KRT25: variants seen among roughly 807,000 people sequenced by gnomAD.
The protein encoded by KRT25 is keratin 25, also known as keratin, type I cytoskeletal 25.
In KRT25, 37 loss-of-function variants were observed where a neutral mutation model predicts 47.6. The observed-to-expected ratio is 0.78, with a 90% CI of 0.60 to 1.02. The LOEUF (loss-of-function observed/expected upper bound fraction) is 1.02. Among genes scored for constraint, KRT25 ranks in the 50% least tolerant of loss-of-function variants. KRT25 has a pLI of 0.00. For synonymous variants in KRT25, 203 were observed against 210.2 expected (o/e 0.97, Z 0.30); for missense variants, 542 against 550.3 (o/e 0.98, Z 0.15).
chr17:40,749,236 C>T, intron 7 of KRT25, 22 bp downstream of exon 7: 1 of 1,583,458 alleles, frequency 6.3e-7, no homozygotes, highest in Non-Finnish European at 8.7e-7. Flanking sequence ...TAGCATTGCA[C>T]AACAGATTTC....
intron 7 of KRT25, among the ~76,000 whole-genome samples, chr17:40,749,053 G>C (rs1343031788): frequency 2.0e-5 from 3 of 152,136 alleles, no homozygotes; most frequent in Non-Finnish European, 4.4e-5. Flanking sequence ...TTCTACTTGA[G>C]GGGGAAGGGT....
chr17:40,750,511 C>CA lies in KRT25; in HGVS notation c.1043dup (p.Glu349GlyfsTer19). 6.2e-7 allele frequency: 1 copy of CA among 1,614,176 alleles called. No homozygotes were observed. Among genetic ancestry groups the CA allele is most frequent in the Non-Finnish European group, 8.5e-7 (1 of 1,180,016 alleles). Reference sequence around the variant, plus strand: ...TTCTGACCTGGTGCAGCTGCTCCTCCAGGGCCCCGATCTGAGCCTGGATCT... The same window carrying CA: ...TTCTGACCTGGTGCAGCTGCTCCTCCAAGGGCCCCGATCTGAGCCTGGATCT... On this transcript the variant is annotated frameshift_variant, in exon 6 of 8. Transcript: ENST00000312150. LOFTEE classifies it high-confidence loss of function.
In KRT25 at chr17:40,754,893, C is replaced by CAAG. The variant is rs2038091128; in HGVS notation, c.376_378dup (p.Leu126dup). 1.2e-6 allele frequency: 2 copies of CAAG among 1,614,014 alleles called. No individual in the cohort carries two copies. The highest frequency in any genetic ancestry group is 2.7e-5 in the African/African-American group (2 of 74,914). ...GGGAAATATCTGCTATAGTCATGAT[C>CAAG]AAGACCACGGCAAGAGCCAGGCCCA... On this transcript the variant is annotated inframe_insertion, in exon 1 of 8. Transcript: ENST00000312150.
At chr17:40,751,362 G>A in intron 3 of KRT25, 36 bp from the exon 4 acceptor site, 1 of 1,562,678 alleles carries the variant, frequency 6.4e-7, no homozygotes, top group Non-Finnish European at 8.6e-7. Context: ...AGCTCTGCAG[G>A]AATCTCATGG....
chr17:40,749,421 G>T, intron 6 of KRT25, 96 bp from the exon 7 acceptor site: 2 of 867,546 alleles, frequency 2.3e-6, no homozygotes, highest in Non-Finnish European at 3.8e-6. Context: ...AGTTTCAACT[G>T]TGTAACCCAG....
chr17:40,751,272 C>T lies in KRT25; in HGVS notation c.724G>A (p.Ala242Thr), dbSNP rs1340533047. Reference sequence around the variant, plus strand: ...ACTGTGAGGTCCACCCCGGGGGCTGCGTTCATCTCCACGTTCACGTTGCCT... The same window carrying T: ...ACTGTGAGGTCCACCCCGGGGGCTGTGTTCATCTCCACGTTCACGTTGCCT... ...AGGNVNVEMNAAPGVDLTVLL... is the reference protein window; with the variant it reads ...AGGNVNVEMNTAPGVDLTVLL... Residue 242 changes from alanine (A) to threonine (T), a missense_variant, in exon 4 of 8, where the codon GCA (alanine) becomes ACA (threonine). Physicochemically the swap from Ala to Thr is moderately conservative, Grantham distance 58. Transcript: ENST00000312150. 1.3e-5 allele frequency: 21 copies of T among 1,614,002 alleles called. No individual in the cohort carries two copies. The highest frequency in any genetic ancestry group is 1.7e-5 in the Non-Finnish European group (20 of 1,180,006).
At chr17:40,749,477 C>T in intron 6 of KRT25, 152 bp from the exon 7 acceptor site, 1 of 649,442 alleles carries the variant, frequency 1.5e-6, no homozygotes. Context: ...GTATGAATAC[C>T]TTCTCCATTG....
At position 40,751,208 on chromosome 17, in the gene KRT25, G is replaced by T; in HGVS notation, c.788C>A (p.Ala263Glu). ...NNMRAEYEAL[A>E]EQNRRDAEAW... ...CTCCGCGTCCCTGCGGTTCTGCTCTGCAAGGGCTTCGTACTCAGCTCGCAT... is the reference window on the plus strand; with the variant it reads ...CTCCGCGTCCCTGCGGTTCTGCTCTTCAAGGGCTTCGTACTCAGCTCGCAT... Residue 263 changes from alanine (A) to glutamate (E), a missense_variant, in exon 4 of 8, where the codon GCA becomes GAA. Physicochemically the swap from Ala to Glu is moderately radical, Grantham distance 107. Transcript: ENST00000312150. 6.2e-7 allele frequency: 1 copy of T among 1,614,150 alleles called. No individual in the cohort carries two copies. Among genetic ancestry groups the T allele is most frequent in the Non-Finnish European group, 8.5e-7 (1 of 1,179,966 alleles).
intron 6 of KRT25, 136 bp downstream of exon 6, chr17:40,750,244 T>C: frequency 2.4e-6 from 2 of 821,254 alleles, no homozygotes; most frequent in Admixed American, 4.5e-5. Flanking sequence ...GTTGAGTATG[T>C]ATTATATTTA....
intron 3 of KRT25, among the ~76,000 whole-genome samples, chr17:40,752,567 G>T (rs1388331199): frequency 2.0e-5 from 3 of 151,810 alleles, no homozygotes. Context: ...AAACTTCCTG[G>T]TTCAAGCATA....
In KRT25 at chr17:40,751,386, T is replaced by C. The variant is rs2038046276; in HGVS notation, c.670-60A>G. The C allele has an allele frequency of 2.6e-6, 4 of 1,522,590 alleles. No homozygotes were observed. In the Admixed American group the frequency reaches 8.8e-5, roughly 33 times the overall value. 94.3% of individuals were successfully genotyped at this position (1,522,590 alleles called of 1,614,324 possible). A position where few individuals can be genotyped will look rare whatever the true frequency, so the allele number is the denominator to read the frequency against. On this transcript the variant is annotated intron_variant, in intron 3 of 7. Transcript: ENST00000312150. Reference sequence around the variant, plus strand: ...GGAATCTCATGGAAAGTCTAGAAGCTTAGCTTTGGAAGGGCACTTAGAGTT... The same window carrying C: ...GGAATCTCATGGAAAGTCTAGAAGCCTAGCTTTGGAAGGGCACTTAGAGTT...
chr17:40,749,241 G>C lies in KRT25; in HGVS notation c.1243+17C>G. ...AATAAAAAATTAGCATTGCACAACA[G>C]ATTTCATTTTAATTACCTTTGACTT... On this transcript the variant is annotated intron_variant, in intron 7 of 7. Transcript: ENST00000312150. 1 of 1,591,730 alleles carries C rather than the reference G, an allele frequency of 6.3e-7. No homozygotes were observed. The highest frequency in any genetic ancestry group is 1.1e-5 in the South Asian group (1 of 90,538).
rs753281617 is a variant in KRT25, at chr17:40,750,538, C to T, written c.1017G>A (p.Ala339=). 2.9e-5 allele frequency: 47 copies of T among 1,614,126 alleles called. No individual in the cohort carries two copies. Among genetic ancestry groups the T allele is most frequent in the Non-Finnish European group, 3.7e-5 (44 of 1,180,056 alleles). ...ETESNYCAQL[A]QIQAQIGALE... is the part of the protein sequence containing the mutation. Reference sequence around the variant, plus strand: ...GGGCCCCGATCTGAGCCTGGATCTGCGCCAGCTGCGCACAGTAGTTGCTCT... The same window carrying T: ...GGGCCCCGATCTGAGCCTGGATCTGTGCCAGCTGCGCACAGTAGTTGCTCT... Residue 339 remains alanine, a synonymous_variant, in exon 6 of 8, where the codon GCG becomes GCA. Transcript: ENST00000312150.
chr17:40,752,414 A>G (rs1014350426), intron 3 of KRT25, among the ~76,000 whole-genome samples: 5 of 152,156 alleles, frequency 3.3e-5, no homozygotes, highest in Non-Finnish European at 5.9e-5. Flanking sequence ...CTCCCCATTC[A>G]TGAATTGGTC....
Position 40,751,189 on chromosome 17 carries a change from G to A in KRT25, c.807C>T (p.Asp269=), listed in dbSNP as rs373440961. 11 of 1,614,050 alleles carry A rather than the reference G, an allele frequency of 6.8e-6. No homozygotes were observed. In the African/African-American group the frequency reaches 1.2e-4, roughly 18 times the overall value. ...YEALAEQNRR[D]AEAWFNEKSA... is the part of the protein sequence containing the mutation. ...CCTTCTCGTTGAACCAGGCCTCCGCGTCCCTGCGGTTCTGCTCTGCAAGGG... is the reference window on the plus strand; with the variant it reads ...CCTTCTCGTTGAACCAGGCCTCCGCATCCCTGCGGTTCTGCTCTGCAAGGG... Residue 269 remains aspartate, a synonymous_variant, in exon 4 of 8, where the codon GAC becomes GAT. Coordinates refer to ENST00000312150, the MANE Select transcript of KRT25 (RefSeq NM_181534.4).
In KRT25 at chr17:40,755,202, A is replaced by G. The variant is rs767405204; in HGVS notation, c.70T>C (p.Tyr24His). 3.2e-5 allele frequency: 51 copies of G among 1,614,074 alleles called. No homozygotes were observed. The highest frequency in any genetic ancestry group is 1.2e-4 in the South Asian group (11 of 91,090). The change falls in exon 1 of 8, where the codon TAT (tyrosine) becomes CAT (histidine). Residue 24 changes from tyrosine (Y) to histidine (H), a missense_variant. Transcript: ENST00000312150. ...GTACCAAAGCTGGTTCCCCCACCATAGAGTCTGAGTGATCCAGTGGTGGGA... is the reference window on the plus strand; with the variant it reads ...GTACCAAAGCTGGTTCCCCCACCATGGAGTCTGAGTGATCCAGTGGTGGGA... The part of the protein sequence containing the change: ...PRPTTGSLRL[Y>H]GGGTSFGTGN...
In KRT25 at chr17:40,754,882, A is replaced by G. The variant is rs749188094; in HGVS notation, c.390T>C (p.Tyr130=). ...CATCAATTATTGGGAAATATCTGCT[A>G]TAGTCATGATCAAGACCACGGCAAG... The part of the protein sequence containing the change: ...PGSCRGLDHD[Y]SRYFPIIDDL... Residue 130 remains tyrosine, a synonymous_variant, in exon 1 of 8, where the codon TAT becomes TAC. Transcript: ENST00000312150. The G allele has an allele frequency of 2.7e-5, 43 of 1,614,060 alleles. No individual in the cohort carries two copies. The highest frequency in any genetic ancestry group is 3.3e-5 in the Admixed American group (2 of 60,006).
rs2038039189 is a variant in KRT25, at chr17:40,750,837, GT to G, written c.957+116del. The G allele has an allele frequency of 1.7e-5, 23 of 1,361,842 alleles. No individual in the cohort carries two copies. In the South Asian group the frequency reaches 2.5e-4, roughly 15 times the overall value. The allele number at this position is 1,361,842 out of a possible 1,614,324, so 84.4% of individuals were successfully genotyped here. A position where few individuals can be genotyped will look rare whatever the true frequency, so the allele number is the denominator to read the frequency against. ...CTATACAATCCTATTCTTTCCTTATGTTTTGAGACAATTATAAACAAATATA... is the reference window on the plus strand; with the variant it reads ...CTATACAATCCTATTCTTTCCTTATGTTTGAGACAATTATAAACAAATATA... On this transcript the variant is annotated intron_variant, in intron 5 of 7. Coordinates refer to ENST00000312150, the MANE Select transcript of KRT25 (RefSeq NM_181534.4).
chr17:40,752,971 T>C (rs142792266), intron 3 of KRT25, among the ~76,000 whole-genome samples: 125 of 152,344 alleles, frequency 8.2e-4, no homozygotes, highest in African/African-American at 2.9e-3. Context: ...ATATAAAATT[T>C]GGAACTTAGC....
Sources: gnomAD v4.1 joint callset for allele counts (sites outside exome capture counted in the v4.1 genomes callset) on GRCh38, gnomAD v4.1.1 for gene constraint, MANE v1.5 for transcripts, NCBI Gene and HGNC (gene_info 2026-07-23, HGNC 2026-07-21) for gene names.